The following RPS6KA6 variants were observed in gnomAD, a reference collection of about 807,000 sequenced individuals.
The protein encoded by RPS6KA6 is ribosomal protein S6 kinase alpha-6.
In RPS6KA6, 27 loss-of-function variants were observed where a neutral mutation model predicts 65.4. The observed-to-expected ratio is 0.41, with a 90% CI of 0.30 to 0.57. The LOEUF (loss-of-function observed/expected upper bound fraction) is 0.57, where lower values mean the gene tolerates loss of function less well. Among genes scored for constraint, RPS6KA6 ranks in the 20% least tolerant of loss-of-function variants. The pLI, the probability that RPS6KA6 is intolerant of heterozygous loss-of-function variation, is 0.24. For missense variants in RPS6KA6, 486 were observed against 555.6 expected (o/e 0.87, Z 1.26); for synonymous variants, 190 against 184.2 (o/e 1.03, Z -0.26).
Position 84,097,831 on chromosome X carries a change from T to C in RPS6KA6, c.1794A>G (p.Gly598=), listed in dbSNP as rs1292578230. The C allele has an allele frequency of 2.5e-6, 3 of 1,191,567 alleles. No homozygotes were observed. The highest frequency in any genetic ancestry group is 2.3e-6 in the Non-Finnish European group (2 of 879,592). ...TCCAGATATCACAAGCAGCATCATA[T>C]CCCTGTTGCATAAGAACCTAAGAAA... ...FVAPEVLMQQ[G]YDAACDIWSL... The change falls in exon 19 of 22, where the codon GGA becomes GGG. Residue 598 remains glycine (G), a synonymous_variant. Transcript: ENST00000262752.
intron 2 of RPS6KA6, among the ~76,000 whole-genome samples, chrX:84,160,080 C>T (rs1370455417): frequency 9.0e-6 from 1 of 111,371 alleles, no homozygotes; most frequent in Non-Finnish European, 1.9e-5. Flanking sequence ...CTTAGCTGAT[C>T]TTTGAAAATA....
chrX:84,068,848 A>C (rs2033463746), intron 20 of RPS6KA6, among the ~76,000 whole-genome samples: 1 of 111,590 alleles, frequency 9.0e-6, no homozygotes, highest in South Asian at 3.8e-4. Flanking sequence ...AAAGGAATAC[A>C]ACTTAACAAG....
At chrX:84,152,704 G>T (rs1199784350) in intron 3 of RPS6KA6, among the ~76,000 whole-genome samples, 1 of 111,160 alleles carries the variant, frequency 9.0e-6, no homozygotes, top group Admixed American at 9.6e-5. Context: ...GTGAACTTGA[G>T]GACAGAGAAA....
At position 84,106,963 on chromosome X, in the gene RPS6KA6, C is replaced by T; in HGVS notation, c.1189G>A (p.Glu397Lys). The change falls in exon 14 of 22, where the codon GAA (glutamate) becomes AAA (lysine). Residue 397 changes from glutamate (E) to lysine (K), a missense_variant. Coordinates refer to ENST00000262752, the MANE Select transcript of RPS6KA6 (RefSeq NM_014496.5). Reference protein sequence around the residue: ...GFSFVATSIAEEYKITPITSA... With the variant: ...GFSFVATSIAKEYKITPITSA... Reference sequence around the variant, plus strand: ...GTGATAGGAGTGATTTTATATTCTTCTGCAATAGAAGTTGCAACAAAGCTG... The same window carrying T: ...GTGATAGGAGTGATTTTATATTCTTTTGCAATAGAAGTTGCAACAAAGCTG... 2.5e-6 allele frequency: 3 copies of T among 1,195,264 alleles called. No homozygotes were observed. The highest frequency in any genetic ancestry group is 3.4e-6 in the Non-Finnish European group (3 of 882,478).
At chrX:84,065,252 A>G (rs2033375429) in intron 20 of RPS6KA6, 141 bp from the exon 21 acceptor site, 1 of 371,278 alleles carries the variant, frequency 2.7e-6, no homozygotes, top group South Asian at 9.3e-5. Flanking sequence ...TCTATACTCT[A>G]CACAGTTAAC....
chrX:84,069,829 T>A (rs1372123020), intron 20 of RPS6KA6, among the ~76,000 whole-genome samples: 1 of 112,384 alleles, frequency 8.9e-6, no homozygotes, highest in Non-Finnish European at 1.9e-5. Flanking sequence ...TCACTGCTCA[T>A]TAGAGAAATG....
At chrX:84,146,589 G>C (rs1337194715) in intron 5 of RPS6KA6, among the ~76,000 whole-genome samples, 1 of 111,377 alleles carries the variant, frequency 9.0e-6, no homozygotes, top group Non-Finnish European at 1.9e-5. Flanking sequence ...ATAACTACAT[G>C]GTCCTCTGGA....
intron 6 of RPS6KA6, among the ~76,000 whole-genome samples, chrX:84,138,801 TTGTGTGTGTGTG>T (rs3077407): frequency 1.8e-3 from 177 of 98,923 alleles, no homozygotes; most frequent in South Asian, 4.2e-3. Flanking sequence ...ACCTGTGTAT[TTGTGTGTGTGTG>T]TGTGTGTGTG....
chrX:84,118,188 C>T (rs1304781042), intron 9 of RPS6KA6, among the ~76,000 whole-genome samples: 2 of 111,812 alleles, frequency 1.8e-5, no homozygotes, highest in African/African-American at 6.5e-5. Flanking sequence ...TGGCCTTAGT[C>T]TTCTACTCAT....
intron 5 of RPS6KA6, among the ~76,000 whole-genome samples, chrX:84,146,498 A>T (rs903250072): frequency 1.8e-5 from 2 of 111,490 alleles, no homozygotes; most frequent in Non-Finnish European, 3.8e-5. Flanking sequence ...TCCAAAGCTC[A>T]TGTTCTTTCC....
At chrX:84,163,375 C>A (rs2035544695) in intron 2 of RPS6KA6, among the ~76,000 whole-genome samples, 1 of 109,758 alleles carries the variant, frequency 9.1e-6, no homozygotes, top group Non-Finnish European at 1.9e-5. Flanking sequence ...CGCGGTGGCT[C>A]ACGCCTGTAA....
At chrX:84,126,493 T>A (rs2034788731) in intron 8 of RPS6KA6, among the ~76,000 whole-genome samples, 1 of 111,607 alleles carries the variant, frequency 9.0e-6, no homozygotes, top group South Asian at 3.7e-4. Flanking sequence ...ATAGAAAAAG[T>A]GGACCTAATA....
At chrX:84,182,471 T>C (rs2035870218) in intron 1 of RPS6KA6, among the ~76,000 whole-genome samples, 1 of 110,765 alleles carries the variant, frequency 9.0e-6, no homozygotes. Context: ...AGAAAGAAAT[T>C]ACAGGAAGGG....
intron 20 of RPS6KA6, among the ~76,000 whole-genome samples, chrX:84,081,441 A>G (rs111569958): frequency 9.0e-6 from 1 of 111,730 alleles, no homozygotes; most frequent in Non-Finnish European, 1.9e-5. Context: ...GCCTGAATAT[A>G]CCAATAACAA....
intron 12 of RPS6KA6, among the ~76,000 whole-genome samples, chrX:84,115,758 G>A (rs778117725): frequency 1.3e-3 from 149 of 111,874 alleles, no homozygotes; most frequent in African/African-American, 4.1e-3. Context: ...AGACACCATG[G>A]AATACTATGC....
intron 2 of RPS6KA6, among the ~76,000 whole-genome samples, chrX:84,162,554 G>T (rs1248388566): frequency 9.0e-6 from 1 of 111,479 alleles, no homozygotes. Context: ...TATTTTTACT[G>T]CCTTTCCACT....
chrX:84,073,519 G>A (rs2033593653), intron 20 of RPS6KA6, among the ~76,000 whole-genome samples: 1 of 111,279 alleles, frequency 9.0e-6, no homozygotes, highest in Non-Finnish European at 1.9e-5. Context: ...AGCAAAAATA[G>A]ACAAATGGGA....
In RPS6KA6 at chrX:84,102,686, TATACTCTGATGAGGAGTACAC is replaced by T. The variant is rs1490844924; in HGVS notation, c.1615-509_1615-489del. Among the ~76,000 whole-genome samples, 23 of 110,977 alleles carry T rather than the reference TATACTCTGATGAGGAGTACAC, an allele frequency of 2.1e-4. 1 individual carries two copies. The highest frequency in any genetic ancestry group is 6.2e-4 in the African/African-American group (19 of 30,695). On this transcript the variant is annotated intron_variant, in intron 17 of 21. Transcript: ENST00000262752. ...GCACTGGAGAATGAACAGAAGCAGA[TATACTCTGATGAGGAGTACAC>T]ACTTTGTTGAAGGAGGGAACACAGG...
chrX:84,114,938 C>G (rs1411924706), intron 12 of RPS6KA6, among the ~76,000 whole-genome samples: 1 of 111,801 alleles, frequency 8.9e-6, no homozygotes, highest in African/African-American at 3.3e-5. Context: ...CCCTATCTCT[C>G]ACTGTTTACA....
Sources: gnomAD v4.1 joint callset for allele counts (sites outside exome capture counted in the v4.1 genomes callset) on GRCh38, gnomAD v4.1.1 for gene constraint, MANE v1.5 for transcripts, NCBI Gene and HGNC (gene_info 2026-07-23, HGNC 2026-07-21) for gene names.